The following NEBL variants were observed in gnomAD, a reference collection of about 807,000 sequenced individuals.
NEBL encodes the protein nebulette.
A neutral mutation model predicts 140.2 loss-of-function variants in NEBL; 122 were observed. The ratio of observed to expected loss-of-function variants is 0.87; its 90% CI spans 0.75 to 1.01. The LOEUF (loss-of-function observed/expected upper bound fraction) is 1.01, where lower values mean the gene tolerates loss of function less well. Among genes scored for constraint, NEBL ranks in the 50% least tolerant of loss-of-function variants. NEBL has a pLI of 0.00. For missense variants in NEBL, 1,365 were observed against 1,231.3 expected, an observed-to-expected ratio of 1.11 and a Z score of -1.62; for synonymous variants, 436 against 398.9, an observed-to-expected ratio of 1.09 and a Z score of -1.11.
chr10:21,197,945 C>A (rs1465874120), intron 3 of NEBL, among the ~76,000 whole-genome samples: 1 of 152,056 alleles, frequency 6.6e-6, no homozygotes, highest in Non-Finnish European at 1.5e-5. Context: ...TTAAGAAACC[C>A]AGCCCAACTC....
chr10:21,029,772 G>C (rs1299370400), intron 2 of NEBL: 26 of 768,186 alleles, frequency 3.4e-5, no homozygotes, highest in Admixed American at 9.2e-5. Flanking sequence ...GGTAGGGATC[G>C]CTATGATGAC....
At chr10:21,229,700 T>A (rs1318758360) in intron 3 of NEBL, among the ~76,000 whole-genome samples, 1 of 152,186 alleles carries the variant, frequency 6.6e-6, no homozygotes, top group Non-Finnish European at 1.5e-5. Flanking sequence ...TATATCCAAC[T>A]GAATAAAGAT....
chr10:21,184,075 T>G (rs914855820), intron 3 of NEBL, among the ~76,000 whole-genome samples: 3 of 152,202 alleles, frequency 2.0e-5, no homozygotes, highest in Non-Finnish European at 4.4e-5. Flanking sequence ...CAGTCTTAGG[T>G]ATGTCTTCAT....
intron 3 of NEBL, among the ~76,000 whole-genome samples, chr10:21,204,865 C>A (rs1166718356): frequency 6.6e-6 from 1 of 152,200 alleles, no homozygotes; most frequent in African/African-American, 2.4e-5. Flanking sequence ...GCTGCACTCC[C>A]CGTCATGAAA....
At chr10:21,204,698 C>T (rs1412265325) in intron 3 of NEBL, among the ~76,000 whole-genome samples, 2 of 152,196 alleles carry the variant, frequency 1.3e-5, no homozygotes, top group Non-Finnish European at 2.9e-5. Context: ...CTGAGGGCAT[C>T]ATCACTCCAT....
intron 2 of NEBL, among the ~76,000 whole-genome samples, chr10:21,115,811 G>A (rs113830620): frequency 2.6e-4 from 39 of 151,526 alleles, no homozygotes; most frequent in Non-Finnish European, 4.9e-4. Context: ...TTCCCAATCC[G>A]CTCTTAATTT....
chr10:20,827,716 T>C (rs1840012652), intron 17 of NEBL, among the ~76,000 whole-genome samples: 1 of 152,102 alleles, frequency 6.6e-6, no homozygotes, highest in East Asian at 1.9e-4. Context: ...ATGTGGTACA[T>C]ATACACCACA....
intron 4 of NEBL, among the ~76,000 whole-genome samples, chr10:20,941,285 C>T (rs565798456): frequency 7.9e-4 from 121 of 152,260 alleles, no homozygotes; most frequent in Admixed American, 1.4e-3. Flanking sequence ...GTTCAACATA[C>T]GCAAATCAAT....
intron 1 of NEBL, among the ~76,000 whole-genome samples, chr10:21,280,463 C>T (rs893981740): frequency 2.6e-5 from 4 of 152,030 alleles, no homozygotes; most frequent in Non-Finnish European, 5.9e-5. Flanking sequence ...CAGAGAGATA[C>T]AAAAGGCAGA....
chr10:21,020,087 A>T, intron 3 of NEBL: 1 of 1,579,772 alleles, frequency 6.3e-7, no homozygotes, highest in South Asian at 1.1e-5. Flanking sequence ...TTTAGGGCCA[A>T]GGGAACAAAA....
At chr10:20,945,425 C>T (rs999363485) in intron 4 of NEBL, among the ~76,000 whole-genome samples, 1 of 152,082 alleles carries the variant, frequency 6.6e-6, no homozygotes, top group African/African-American at 2.4e-5. Context: ...AGAAAAGGTA[C>T]CTTCAGAGAA....
chr10:20,984,862 C>T (rs1837192998), intron 3 of NEBL, among the ~76,000 whole-genome samples: 1 of 152,176 alleles, frequency 6.6e-6, no homozygotes, highest in Non-Finnish European at 1.5e-5. Flanking sequence ...CCATTATCGC[C>T]TGAGCTCCAC....
Position 20,882,317 on chromosome 10 carries a change from A to G in NEBL, c.370-1413T>C, listed in dbSNP as rs368905591. Among the ~76,000 whole-genome samples the G allele has an allele frequency of 5.0e-3, 761 of 152,098 alleles. 9 individuals are homozygous for G. The highest frequency in any genetic ancestry group is 0.017 in the African/African-American group (726 of 41,508). On this transcript the variant is annotated intron_variant, in intron 4 of 27. Transcript: ENST00000377122. ...AGGAGACAAGGAAAGGAGAAAAGAA[A>G]GAAGAGGGGAGAGGAGAGAGGAAAA...
chr10:20,902,543 T>C (rs547622105), intron 4 of NEBL, among the ~76,000 whole-genome samples: 35 of 152,256 alleles, frequency 2.3e-4, no homozygotes, highest in Admixed American at 9.2e-4. Flanking sequence ...GGAAATAGTA[T>C]GGGGCACAAC....
At chr10:20,843,363 A>G (rs1454918521) in intron 12 of NEBL, among the ~76,000 whole-genome samples, 1 of 152,058 alleles carries the variant, frequency 6.6e-6, no homozygotes, top group African/African-American at 2.4e-5. Flanking sequence ...AGAACAGACC[A>G]ATACAATACA....
chr10:21,211,890 G>A (rs1398282213), intron 3 of NEBL, among the ~76,000 whole-genome samples: 2 of 152,122 alleles, frequency 1.3e-5, no homozygotes, highest in East Asian at 1.9e-4. Context: ...CACTCATGCT[G>A]AGGTCAGAAA....
chr10:20,948,182 T>C (rs1157259206), intron 4 of NEBL, among the ~76,000 whole-genome samples: 12 of 152,206 alleles, frequency 7.9e-5, no homozygotes, highest in African/African-American at 2.9e-4. Context: ...GAGTCTTTAA[T>C]GGTTTGCATC....
At chr10:21,030,383 A>G in intron 2 of NEBL, 4 of 610,666 alleles carry the variant, frequency 6.6e-6, no homozygotes, top group Non-Finnish European at 1.2e-5. Context: ...TGCAGGAAGG[A>G]GAGAGACTGA....
In NEBL at chr10:20,812,762, A is replaced by G; in HGVS notation, c.2518+7T>C. 1 of 1,613,910 alleles carries G rather than the reference A, an allele frequency of 6.2e-7. No individual in the cohort carries two copies. The highest frequency in any genetic ancestry group is 8.5e-7 in the Non-Finnish European group (1 of 1,179,898). On this transcript the variant is annotated splice_region_variant and intron_variant, in intron 24 of 27. Coordinates refer to ENST00000377122, the MANE Select transcript of NEBL (RefSeq NM_006393.3). ...CACACACCGGCCGACAAACGCCGTC[A>G]GCTTACCAACAATGATTCCAGGTCT... is the stretch of plus-strand genomic sequence containing the variant.
Sources: gnomAD v4.1 joint callset for allele counts (sites outside exome capture counted in the v4.1 genomes callset) on GRCh38, gnomAD v4.1.1 for gene constraint, MANE v1.5 for transcripts, NCBI Gene and HGNC (gene_info 2026-07-23, HGNC 2026-07-21) for gene names.